IGFL2: variants seen among roughly 807,000 people sequenced by gnomAD.
IGFL2 encodes the protein insulin growth factor-like family member 2.
IGFL2 carries 7 observed loss-of-function variants against 13.9 expected under a neutral mutation model. The observed-to-expected ratio is 0.51, with a 90% confidence interval of 0.29 to 0.95. The LOEUF (loss-of-function observed/expected upper bound fraction) is 0.95. Among genes scored for constraint, IGFL2 ranks in the 40% least tolerant of loss-of-function variants. IGFL2 has a pLI of 0.08. For synonymous variants in IGFL2, 55 were observed against 55.8 expected, an observed-to-expected ratio of 0.99 and a Z score of 0.07; for missense variants, 138 against 147.8, an observed-to-expected ratio of 0.93 and a Z score of 0.34.
At chr19:46,149,151 CCTCT>C (rs1384938138) in intron 1 of IGFL2, 4 of 216,272 alleles carry the variant, frequency 1.8e-5, no homozygotes, top group African/African-American at 5.4e-5. Flanking sequence ...TCTCTCTCTC[CCTCT>C]CTCTCTTCTC....
the IGFL2 span, chr19:46,137,606 A>G: frequency 5.4e-5 from 54 of 995,248 alleles, no homozygotes. Context: ...CATTGTTTCC[A>G]TGAGTCAGTG....
chr19:46,193,828 C>A, the IGFL2 span, among the ~76,000 whole-genome samples: 1 of 152,160 alleles, frequency 6.6e-6, no homozygotes, highest in South Asian at 2.1e-4. Flanking sequence ...CGGGTCTAGG[C>A]TGCTATCAGT....
the IGFL2 span, chr19:46,212,235 G>T: frequency 7.9e-5 from 12 of 152,228 alleles, no homozygotes; most frequent in African/African-American, 1.7e-4. Flanking sequence ...CCTGGGGAAG[G>T]TGCGTGCTGA....
the IGFL2 span, among the ~76,000 whole-genome samples, chr19:46,110,637 A>G: frequency 1.3e-5 from 2 of 152,086 alleles, no homozygotes; most frequent in African/African-American, 2.4e-5. Flanking sequence ...CTTTTTTGCT[A>G]TTTTATCCTT....
At chr19:46,186,917 C>T in the IGFL2 span, among the ~76,000 whole-genome samples, 1 of 152,174 alleles carries the variant, frequency 6.6e-6, no homozygotes, top group Non-Finnish European at 1.5e-5. Flanking sequence ...AAAAAATAAC[C>T]TAAGTTTATT....
At chr19:46,172,662 T>C in the IGFL2 span, among the ~76,000 whole-genome samples, 1 of 152,212 alleles carries the variant, frequency 6.6e-6, no homozygotes, top group South Asian at 2.1e-4. Flanking sequence ...CAAGGCCAGC[T>C]GCTGAAACAA....
chr19:46,179,257 G>A, the IGFL2 span, among the ~76,000 whole-genome samples: 1,015 of 150,980 alleles, frequency 6.7e-3, 9 homozygotes, highest in African/African-American at 0.023. Context: ...AGGGGTGCAG[G>A]AGTCTGAGCA....
chr19:46,146,152 T>G (rs1441389700), upstream of IGFL2, among the ~76,000 whole-genome samples: 10 of 152,240 alleles, frequency 6.6e-5, no homozygotes, highest in East Asian at 5.8e-4. Flanking sequence ...GGTAGAAGTC[T>G]TCTTTTTTTT....
At chr19:46,139,947 C>G (rs2146797845), upstream of IGFL2, among the ~76,000 whole-genome samples, 1 of 152,088 alleles carries the variant, frequency 6.6e-6, no homozygotes, top group African/African-American at 2.4e-5. Flanking sequence ...CTCACACACA[C>G]ACACACACAT....
At chr19:46,171,168 C>G in the IGFL2 span, among the ~76,000 whole-genome samples, 1 of 152,172 alleles carries the variant, frequency 6.6e-6, no homozygotes, top group African/African-American at 2.4e-5. Context: ...TTTACCATTT[C>G]TTTCTTTTGT....
chr19:46,166,130 C>T (rs1316606501), downstream of IGFL2, among the ~76,000 whole-genome samples: 3 of 152,202 alleles, frequency 2.0e-5, no homozygotes, highest in Non-Finnish European at 4.4e-5. Flanking sequence ...ATGTGGCCCA[C>T]TGGCTAACAA....
At chr19:46,155,407 A>G (rs1973765955) in intron 1 of IGFL2, among the ~76,000 whole-genome samples, 1 of 152,172 alleles carries the variant, frequency 6.6e-6, no homozygotes, top group Admixed American at 6.5e-5. Flanking sequence ...AATAGGGATA[A>G]TTTGTGGCTT....
At chr19:46,125,482 AC>A in the IGFL2 span, among the ~76,000 whole-genome samples, 6 of 152,342 alleles carry the variant, frequency 3.9e-5, no homozygotes, top group South Asian at 1.2e-3. Flanking sequence ...AAGGGCTTGG[AC>A]AAATTCAAAT....
chr19:46,188,654 T>C, the IGFL2 span, among the ~76,000 whole-genome samples: 4 of 152,184 alleles, frequency 2.6e-5, no homozygotes, highest in Non-Finnish European at 4.4e-5. Flanking sequence ...ATGCTCAGTG[T>C]CCTTCCTGGT....
the IGFL2 span, among the ~76,000 whole-genome samples, chr19:46,127,820 C>T: frequency 1.3e-5 from 2 of 151,982 alleles, no homozygotes; most frequent in East Asian, 3.9e-4. Flanking sequence ...TATTGGGGTA[C>T]AGGTGGTATT....
At chr19:46,193,566 C>T in the IGFL2 span, among the ~76,000 whole-genome samples, 3 of 152,000 alleles carry the variant, frequency 2.0e-5, no homozygotes, top group Admixed American at 6.6e-5. Context: ...TGAAAATTCT[C>T]CACTTAATAA....
intron 1 of IGFL2, among the ~76,000 whole-genome samples, chr19:46,155,285 A>G (rs1362688756): frequency 6.6e-6 from 1 of 152,120 alleles, no homozygotes; most frequent in African/African-American, 2.4e-5. Flanking sequence ...CCCTTTCTGA[A>G]CTGAAACTGT....
chr19:46,188,284 A>C, the IGFL2 span, among the ~76,000 whole-genome samples: 1 of 152,104 alleles, frequency 6.6e-6, no homozygotes, highest in Non-Finnish European at 1.5e-5. Context: ...TGGGGGGCCC[A>C]GTGTGTGTAC....
At chr19:46,137,457 G>A in the IGFL2 span, 1 of 1,073,638 alleles carries the variant, frequency 9.3e-7, no homozygotes, top group Non-Finnish European at 1.4e-6. Context: ...AGCCAATCTT[G>A]AAGAATCTGC....
Sources: allele counts gnomAD v4.1 joint callset (sites outside exome capture counted in the v4.1 genomes callset), GRCh38; gene constraint gnomAD v4.1.1; transcripts MANE v1.5; gene names NCBI Gene and HGNC (gene_info 2026-07-23, HGNC 2026-07-21).